The following ISM1 variants were observed in gnomAD, a reference collection of about 807,000 sequenced individuals.
ISM1 encodes the protein isthmin 1.
ISM1 carries 25 observed loss-of-function variants against 46.3 expected under a neutral mutation model. That is an observed-to-expected ratio of 0.54 (90% CI 0.39 to 0.75). The LOEUF is 0.75. Ranked by LOEUF, ISM1 falls within the 30% of genes least tolerant of loss-of-function variation. ISM1 has a pLI of 0.00. For synonymous variants in ISM1, 255 were observed against 256.7 expected (o/e 0.99, Z 0.06); for missense variants, 536 against 625.4 (o/e 0.86, Z 1.52).
rs2040057703 is a variant in ISM1 at position 13,267,622 on chromosome 20, G to A, written c.139-2882G>A. Among the ~76,000 whole-genome samples, 11 of 152,282 alleles carry A rather than the reference G, an allele frequency of 7.2e-5. No homozygotes were observed. The South Asian group carries it at 2.3e-3, about 32-fold the overall frequency. On this transcript the variant is annotated intron_variant, in intron 1 of 5. Coordinates refer to ENST00000262487, the MANE Select transcript of ISM1 (RefSeq NM_080826.2). Reference sequence around the variant, plus strand: ...GGGGCTAAGCCAGAAGCACTCTGTGGTGGTGAATTTCCTACCAGGAAAAAT... The same window carrying A: ...GGGGCTAAGCCAGAAGCACTCTGTGATGGTGAATTTCCTACCAGGAAAAAT...
At position 13,234,988 on chromosome 20, in the gene ISM1, A is replaced by G. The variant is rs371444183; in HGVS notation, c.138+13074A>G. On this transcript the variant is annotated intron_variant, in intron 1 of 5. Coordinates refer to ENST00000262487, the MANE Select transcript of ISM1 (RefSeq NM_080826.2). ...GTTTGAGAAACACTGGTCTACATGC[A>G]TGTTTTTCTTGCAAGTTGCAGGTCC... is the stretch of plus-strand genomic sequence containing the variant. Among the ~76,000 whole-genome samples, 11 of 152,248 alleles carry G rather than the reference A, an allele frequency of 7.2e-5. No homozygotes were observed. In the East Asian group the frequency reaches 1.7e-3, roughly 24 times the overall value.
At chr20:13,320,163 G>A in the ISM1 span, among the ~76,000 whole-genome samples, 1 of 152,214 alleles carries the variant, frequency 6.6e-6, no homozygotes, top group African/African-American at 2.4e-5. Context: ...TAACCCTGCT[G>A]AGGGGCTCAT....
intron 1 of ISM1, among the ~76,000 whole-genome samples, chr20:13,224,441 CTG>C (rs1218724867): frequency 6.6e-6 from 1 of 152,194 alleles, no homozygotes; most frequent in Non-Finnish European, 1.5e-5. Context: ...GAAGACAAAA[CTG>C]TGGACACTGT....
intron 3 of ISM1, among the ~76,000 whole-genome samples, chr20:13,283,243 A>G (rs2040256828): frequency 6.6e-6 from 1 of 152,072 alleles, no homozygotes; most frequent in South Asian, 2.1e-4. Flanking sequence ...CTAAGTATTT[A>G]TCCCTATATT....
intron 1 of ISM1, among the ~76,000 whole-genome samples, chr20:13,241,529 C>CAAGAA (rs2039723030): frequency 6.6e-6 from 1 of 151,920 alleles, no homozygotes; most frequent in Non-Finnish European, 1.5e-5. Flanking sequence ...TTCTGTGTAA[C>CAAGAA]AATTGGGAAG....
At chr20:13,239,646 A>G (rs952593385) in intron 1 of ISM1, 3 of 152,232 alleles carry the variant, frequency 2.0e-5, no homozygotes, top group African/African-American at 7.2e-5. Context: ...CCGGGGCTTC[A>G]TCTGTGCTCC....
At chr20:13,260,978 C>T (rs904211137) in intron 1 of ISM1, among the ~76,000 whole-genome samples, 3 of 152,154 alleles carry the variant, frequency 2.0e-5, no homozygotes, top group Non-Finnish European at 2.9e-5. Flanking sequence ...CTGCTGCACA[C>T]GTCTCTCACC....
intron 2 of ISM1, among the ~76,000 whole-genome samples, chr20:13,279,412 G>C (rs2040213732): frequency 6.6e-6 from 1 of 152,148 alleles, no homozygotes; most frequent in East Asian, 1.9e-4. Context: ...CTCTAGTGAT[G>C]AATTTTCCCC....
the ISM1 span, among the ~76,000 whole-genome samples, chr20:13,323,114 C>T: frequency 1.3e-5 from 2 of 151,984 alleles, no homozygotes; most frequent in Non-Finnish European, 2.9e-5. Context: ...GAACTAAGAG[C>T]AATCAGACCA....
chr20:13,295,544 C>G (rs1166585887), intron 5 of ISM1, among the ~76,000 whole-genome samples: 1 of 152,192 alleles, frequency 6.6e-6, no homozygotes, highest in Non-Finnish European at 1.5e-5. Flanking sequence ...CCCATCGATG[C>G]TATTGCAGTC....
the ISM1 span, among the ~76,000 whole-genome samples, chr20:13,311,277 A>G: frequency 1.3e-5 from 2 of 152,086 alleles, no homozygotes; most frequent in Admixed American, 1.3e-4. Flanking sequence ...AGATAGATAG[A>G]TAGATAATAA....
intron 5 of ISM1, among the ~76,000 whole-genome samples, chr20:13,292,930 G>T (rs959034047): frequency 6.6e-6 from 1 of 152,056 alleles, no homozygotes; most frequent in African/African-American, 2.4e-5. Context: ...GGCGCGGTGG[G>T]TCATGCCTAT....
the ISM1 span, among the ~76,000 whole-genome samples, chr20:13,312,042 T>C: frequency 1.3e-5 from 2 of 149,480 alleles, no homozygotes; most frequent in African/African-American, 5.0e-5. Flanking sequence ...ATATAGACAA[T>C]TAATCATTTG....
chr20:13,288,757 A>C, intron 4 of ISM1, 74 bp downstream of exon 4: 1 of 1,416,032 alleles, frequency 7.1e-7, no homozygotes, highest in Non-Finnish European at 9.7e-7. Context: ...ACTTAGTGAC[A>C]TTGTCTTTTT....
intron 5 of ISM1, 84 bp from the exon 6 acceptor site, chr20:13,298,858 A>G: frequency 7.1e-7 from 1 of 1,416,306 alleles, no homozygotes; most frequent in Non-Finnish European, 9.7e-7. Flanking sequence ...CCTCAGGAGC[A>G]GCCTGGTGTC....
intron 1 of ISM1, among the ~76,000 whole-genome samples, chr20:13,263,149 A>G (rs181473838): frequency 1.3e-5 from 2 of 152,290 alleles, no homozygotes; most frequent in Admixed American, 6.5e-5. Flanking sequence ...CATGCTTGCT[A>G]TAAAATACGG....
At chr20:13,271,563 T>C (rs2040115822) in intron 2 of ISM1, among the ~76,000 whole-genome samples, 1 of 152,218 alleles carries the variant, frequency 6.6e-6, no homozygotes, top group Non-Finnish European at 1.5e-5. Context: ...AAGTTACTGT[T>C]TGGTTTACCC....
the ISM1 span, among the ~76,000 whole-genome samples, chr20:13,318,486 C>CA: frequency 6.6e-6 from 1 of 152,246 alleles, no homozygotes; most frequent in East Asian, 1.9e-4. Context: ...GGTATTTACC[C>CA]AAAAAACTTG....
chr20:13,244,537 G>A (rs74406065), intron 1 of ISM1, among the ~76,000 whole-genome samples: 6,129 of 152,276 alleles, frequency 0.04, 188 homozygotes, highest in African/African-American at 0.079. Flanking sequence ...AGAATTTAAT[G>A]ATAAGCAAAC....
Sources: gnomAD v4.1 joint callset for allele counts (sites outside exome capture counted in the v4.1 genomes callset) on GRCh38, gnomAD v4.1.1 for gene constraint, MANE v1.5 for transcripts, NCBI Gene and HGNC (gene_info 2026-07-23, HGNC 2026-07-21) for gene names.